The following PTPN3 variants were observed in gnomAD, a reference collection of about 807,000 sequenced individuals.
PTPN3 encodes tyrosine-protein phosphatase non-receptor type 3.
PTPN3 carries 96 observed loss-of-function variants against 132.7 expected under a neutral mutation model. The observed-to-expected ratio is 0.72, with a 90% CI of 0.61 to 0.86. The LOEUF (loss-of-function observed/expected upper bound fraction) is 0.86. Ranked by LOEUF, PTPN3 falls within the 40% of genes least tolerant of loss-of-function variation. The pLI, the probability that PTPN3 is intolerant of heterozygous loss-of-function variation, is 0.00. For missense variants in PTPN3, 1,125 were observed against 1,159.6 expected (o/e 0.97, Z 0.43); for synonymous variants, 398 against 429.0 (o/e 0.93, Z 0.89).
At chr9:109,490,717 C>T (rs894976411) in intron 1 of PTPN3, among the ~76,000 whole-genome samples, 27 of 150,276 alleles carry the variant, frequency 1.8e-4, no homozygotes, top group Admixed American at 4.0e-4. Flanking sequence ...CCAGCCTGGG[C>T]GACAGAGCGA....
At chr9:109,529,279 C>T in the PTPN3 span, among the ~76,000 whole-genome samples, 1 of 152,232 alleles carries the variant, frequency 6.6e-6, no homozygotes, top group Non-Finnish European at 1.5e-5. Context: ...TCAGCACCAT[C>T]AGGGAACTTA....
intron 14 of PTPN3, among the ~76,000 whole-genome samples, chr9:109,415,873 AT>A (rs1233966449): frequency 6.6e-6 from 1 of 152,180 alleles, no homozygotes; most frequent in Non-Finnish European, 1.5e-5. Context: ...AGGAGCTGAG[AT>A]TGGATCATAT....
intron 1 of PTPN3, among the ~76,000 whole-genome samples, chr9:109,478,711 G>C (rs536272347): frequency 1.3e-5 from 2 of 152,296 alleles, no homozygotes; most frequent in East Asian, 1.9e-4. Context: ...TTTTCTACCA[G>C]GTAGAACAAT....
intron 22 of PTPN3, among the ~76,000 whole-genome samples, chr9:109,383,757 C>G (rs973097842): frequency 2.6e-5 from 4 of 152,166 alleles, no homozygotes; most frequent in Non-Finnish European, 4.4e-5. Context: ...GGTCTCCGCT[C>G]AGCCCCAGGC....
At chr9:109,421,262 C>T (rs576455328) in intron 13 of PTPN3, among the ~76,000 whole-genome samples, 5 of 152,256 alleles carry the variant, frequency 3.3e-5, no homozygotes, top group South Asian at 4.1e-4. Flanking sequence ...CCAATGAGGC[C>T]GTGTTCTCAG....
intron 11 of PTPN3, among the ~76,000 whole-genome samples, chr9:109,427,386 A>AT (rs1843356548): frequency 6.6e-6 from 1 of 152,188 alleles, no homozygotes; most frequent in Non-Finnish European, 1.5e-5. Flanking sequence ...TTTCAAATCT[A>AT]TTTACATTTC....
chr9:109,382,349 A>G lies in PTPN3; in HGVS notation c.2481T>C (p.Tyr827=). ...CGCTGTCCACTCTCAGAGACCTCACATAGTTTACAAATTCCAGAAAGTCGG... is the reference window on the plus strand; with the variant it reads ...CGCTGTCCACTCTCAGAGACCTCACGTAGTTTACAAATTCCAGAAAGTCGG... ...DSSDFLEFVN[Y]VRSLRVDSEP... Residue 827 remains tyrosine, a synonymous_variant, in exon 24 of 26, where the codon TAT becomes TAC. Coordinates refer to ENST00000374541, the MANE Select transcript of PTPN3 (RefSeq NM_002829.4). 1.9e-6 allele frequency: 3 copies of G among 1,614,132 alleles called. No individual in the cohort carries two copies. Among genetic ancestry groups the G allele is most frequent in the Non-Finnish European group, 2.5e-6 (3 of 1,179,980 alleles).
chr9:109,510,576 AATATATATATAT>A, the PTPN3 span, among the ~76,000 whole-genome samples: 2 of 47,330 alleles, frequency 4.2e-5, no homozygotes, highest in Non-Finnish European at 8.3e-5. Flanking sequence ...AAAAAAAAAA[AATATATATATAT>A]ATATATATAT....
Position 109,498,084 on chromosome 9 carries a change from C to G in PTPN3, c.-18+135G>C, listed in dbSNP as rs1246244864. On this transcript the variant is annotated intron_variant, in intron 1 of 25. Transcript: ENST00000374541. The surrounding 1 kb of genome is among the most constrained non-coding windows in gnomAD (Gnocchi z 4.2). ...CGTGGTGCGGGGATCCCGGTGCAGCCGCACCCGCCAGCCCGCCCGCGCGTC... is the reference window on the plus strand; with the variant it reads ...CGTGGTGCGGGGATCCCGGTGCAGCGGCACCCGCCAGCCCGCCCGCGCGTC... 6.9e-6 allele frequency: 1 copy of G among 145,760 alleles called. No homozygotes were observed. Among genetic ancestry groups the G allele is most frequent in the Non-Finnish European group, 1.5e-5 (1 of 65,564 alleles). The allele number at this position is 145,760 out of a possible 1,614,324, so 9.0% of individuals were successfully genotyped here. A position where few individuals can be genotyped will look rare whatever the true frequency, so the allele number is the denominator to read the frequency against.
chr9:109,463,848 T>C lies in PTPN3; in HGVS notation c.-17-397A>G, dbSNP rs142602362. On this transcript the variant is annotated intron_variant, in intron 1 of 25. Transcript: ENST00000374541. ...GAAAAGACTCATTGATAAACTGATATTAAAATTAAGGACCTCTATTCATTG... is the reference window on the plus strand; with the variant it reads ...GAAAAGACTCATTGATAAACTGATACTAAAATTAAGGACCTCTATTCATTG... 3.0e-4 allele frequency among the ~76,000 whole-genome samples: 45 copies of C among 152,274 alleles called. No homozygotes were observed. The East Asian group carries it at 4.1e-3, about 14-fold the overall frequency.
upstream of PTPN3, among the ~76,000 whole-genome samples, chr9:109,500,150 A>G (rs1186633625): frequency 1.3e-5 from 2 of 152,260 alleles, no homozygotes; most frequent in Non-Finnish European, 2.9e-5. Context: ...GTTGAGTGAA[A>G]TAAGGAACGT....
At chr9:109,393,928 T>C (rs1840350629) in intron 19 of PTPN3, among the ~76,000 whole-genome samples, 2 of 152,232 alleles carry the variant, frequency 1.3e-5, no homozygotes, top group Admixed American at 1.3e-4. Context: ...TGGTGCTGTA[T>C]CTTATACATT....
intron 1 of PTPN3, among the ~76,000 whole-genome samples, chr9:109,474,763 A>G (rs1260388275): frequency 1.3e-5 from 2 of 152,178 alleles, no homozygotes; most frequent in Non-Finnish European, 2.9e-5. Context: ...GTCACACAGA[A>G]GAGGAATTAG....
At chr9:109,437,656 T>C (rs1417236157) in intron 8 of PTPN3, among the ~76,000 whole-genome samples, 3 of 152,186 alleles carry the variant, frequency 2.0e-5, no homozygotes, top group Non-Finnish European at 4.4e-5. Context: ...AGAAGACTCA[T>C]GCTCCCCACT....
Position 109,406,500 on chromosome 9 carries a change from G to A in PTPN3, c.1754C>T (p.Ser585Phe). 1.9e-6 allele frequency: 3 copies of A among 1,614,154 alleles called. No individual in the cohort carries two copies. Among genetic ancestry groups the A allele is most frequent in the Non-Finnish European group, 2.5e-6 (3 of 1,180,010 alleles). Residue 585 changes from serine (S) to phenylalanine (F), a missense_variant, in exon 18 of 26, where the codon TCC (serine) becomes TTC (phenylalanine). Physicochemically the swap from Ser to Phe is radical, Grantham distance 155. Transcript: ENST00000374541. ...VVMFIKASRE[S>F]HSRELALVIR... ...CACCAGGGCCAGCTCCCGTGAGTGG[G>A]ACTCCCGGCTGGCTTTGATGAACAT...
At position 109,379,220 on chromosome 9, in the gene PTPN3, G is replaced by A. The variant is rs1451791963; in HGVS notation, c.*336C>T. The A allele has an allele frequency of 4.0e-6, 1 of 251,952 alleles. No individual in the cohort carries two copies. Among genetic ancestry groups the A allele is most frequent in the East Asian group, 9.3e-5 (1 of 10,754 alleles). The allele number at this position is 251,952 out of a possible 1,614,324, so 15.6% of individuals were successfully genotyped here. On this transcript the variant is annotated 3_prime_UTR_variant, in exon 26 of 26. Coordinates refer to ENST00000374541, the MANE Select transcript of PTPN3 (RefSeq NM_002829.4). The stretch of plus-strand genomic sequence containing the variant: ...CCATCTTGTTGCTGGGAGGACAACA[G>A]CTCTGTGGGTGTCCGGTCTCAATTG...
At chr9:109,450,382 A>C (rs953117903) in intron 5 of PTPN3, 2 of 984,944 alleles carry the variant, frequency 2.0e-6, no homozygotes, top group African/African-American at 3.5e-5. Context: ...GAGAGAAAAA[A>C]AGAGAAAGGA....
chr9:109,390,080 G>C (rs1223571241), intron 21 of PTPN3, among the ~76,000 whole-genome samples: 1 of 152,176 alleles, frequency 6.6e-6, no homozygotes, highest in East Asian at 1.9e-4. Context: ...CTGGTGCTTG[G>C]ATAAATGGCT....
At chr9:109,381,935 A>C (rs1839133961) in intron 24 of PTPN3, 148 bp from the exon 25 acceptor site, 1 of 937,426 alleles carries the variant, frequency 1.1e-6, no homozygotes, top group Admixed American at 2.3e-5. Context: ...GCTCTCAAAC[A>C]GGCTGAGACA....
Sources: allele counts gnomAD v4.1 joint callset (sites outside exome capture counted in the v4.1 genomes callset), GRCh38; gene constraint gnomAD v4.1.1; non-coding constraint Gnocchi (gnomAD v3.1); transcripts MANE v1.5; gene names NCBI Gene and HGNC (gene_info 2026-07-23, HGNC 2026-07-21).